Variants in ABCA7 observed in about 807,000 individuals in gnomAD.
The protein encoded by ABCA7 is phospholipid-transporting ATPase ABCA7.
Under a neutral mutation model 227.6 loss-of-function variants are expected in ABCA7, and 261 were observed. That is an observed-to-expected ratio of 1.15 (90% CI 1.04 to 1.27). The LOEUF is 1.27. ABCA7 is among the 50% of genes most tolerant of loss of function. ABCA7 has a pLI of 0.00. For missense variants in ABCA7, 3,331 were observed against 2,924.5 expected (o/e 1.14, Z -3.21); for synonymous variants, 1,488 against 1,279.7 (o/e 1.16, Z -3.47).
Position 1,041,941 on chromosome 19 carries a change from C to G in ABCA7, c.271C>G (p.Pro91Ala), listed in dbSNP as rs2040080426. The G allele has an allele frequency of 6.3e-7, 1 of 1,590,504 alleles. No homozygotes were observed. Among genetic ancestry groups the G allele is most frequent in the Non-Finnish European group, 8.5e-7 (1 of 1,174,068 alleles). The change falls in exon 4 of 47, where the codon CCC becomes GCC. Residue 91 changes from proline (P) to alanine (A), a missense_variant. Pro to Ala is a conservative substitution (Grantham distance 27). Coordinates refer to ENST00000263094, the MANE Select transcript of ABCA7 (RefSeq NM_019112.4). The stretch of plus-strand genomic sequence containing the variant: ...TCCGCAGCTGACACCGGGCGAGGAG[C>G]CCGGGCGCCTGAGCAACTTCAACGA... ...CFPQLTPGEEPGRLSNFNDSL... is the reference protein window; with the variant it reads ...CFPQLTPGEEAGRLSNFNDSL...
In ABCA7 at chr19:1,051,524, C is replaced by G. The variant is rs199849934; in HGVS notation, c.2900C>G (p.Thr967Arg). 6.2e-6 allele frequency: 10 copies of G among 1,612,574 alleles called. No homozygotes were observed. The Admixed American group carries it at 1.2e-4, about 19-fold the overall frequency. Residue 967 changes from threonine to arginine, a missense_variant, in exon 21 of 47, where the codon ACG becomes AGG. Transcript: ENST00000263094. ...CAAGTTGTTATCCTGGACGAGCCTA[C>G]GGCTGGCGTGGATCCTGCTTCCCGC... ...GSQVVILDEP[T>R]AGVDPASRRG... is the part of the protein sequence containing the mutation.
chr19:1,053,205 C>T (rs777290624), intron 23 of ABCA7, 124 bp from the exon 24 acceptor site: 79 of 1,056,200 alleles, frequency 7.5e-5, no homozygotes, highest in Middle Eastern at 6.2e-4. Flanking sequence ...ACCTGGCCTA[C>T]GTTCTTAACC....
intron 41 of ABCA7, 134 bp from the exon 42 acceptor site, chr19:1,062,038 C>T (rs551565380): frequency 1.1e-5 from 16 of 1,466,092 alleles, no homozygotes; most frequent in South Asian, 6.5e-5. Flanking sequence ...CTCCCACACG[C>T]GGACCAGGCC....
chr19:1,061,104 A>G (rs2042622354), intron 40 of ABCA7, among the ~76,000 whole-genome samples: 1 of 151,968 alleles, frequency 6.6e-6, no homozygotes, highest in Non-Finnish European at 1.5e-5. Context: ...CTCAGAAATC[A>G]GAGGTGCTGA....
rs542417372 is a variant in ABCA7, at chr19:1,056,021, C to A, written c.4239-45C>A. ...CCTGCCCCCTGGGAGCTCTCCCGGCCCCCCCGGCCCTCAGCTCCCCTTCCC... is the reference window on the plus strand; with the variant it reads ...CCTGCCCCCTGGGAGCTCTCCCGGCACCCCCGGCCCTCAGCTCCCCTTCCC... On this transcript the variant is annotated intron_variant, in intron 31 of 46. Transcript: ENST00000263094. The surrounding 1 kb of genome is among the most constrained non-coding windows in gnomAD (Gnocchi z 4.3). 1,777 of 1,437,792 alleles carry A rather than the reference C, an allele frequency of 1.2e-3. 35 individuals carry two copies. In the East Asian group the frequency reaches 0.035, roughly 28 times the overall value. 89.1% of individuals were successfully genotyped at this position (1,437,792 alleles called of 1,614,324 possible).
At chr19:1,062,441 T>C in intron 42 of ABCA7, 128 bp downstream of exon 42, 3 of 1,439,944 alleles carry the variant, frequency 2.1e-6, no homozygotes, top group Non-Finnish European at 2.8e-6. Flanking sequence ...CCCCAGACCG[T>C]GCTTCCTTCC....
At position 1,041,548 on chromosome 19, in the gene ABCA7, C is replaced by T; in HGVS notation, c.105C>T (p.Leu35=). The T allele has an allele frequency of 1.9e-6, 3 of 1,613,498 alleles. No individual in the cohort carries two copies. Among genetic ancestry groups the T allele is most frequent in the Non-Finnish European group, 2.5e-6 (3 of 1,180,012 alleles). The change falls in exon 3 of 47, where the codon CTC becomes CTT. Residue 35 remains leucine, a synonymous_variant. Coordinates refer to ENST00000263094, the MANE Select transcript of ABCA7 (RefSeq NM_019112.4). ...LLVELLWPLF[L]FFILVAVRHS... is the part of the protein sequence containing the mutation. The stretch of plus-strand genomic sequence containing the variant: ...TCGAATTGCTGTGGCCTCTCTTCCT[C>T]TTCTTCATCCTGGTGGCTGTTCGCC...
Position 1,043,856 on chromosome 19 carries a change from T to C in ABCA7, c.1047+15T>C, listed in dbSNP as rs1292215443. The stretch of plus-strand genomic sequence containing the variant: ...CCATGCTGCAGGTGTGCGGGGGTGC[T>C]GGGGAGGTGGGATGTGGCTCCCCGG... On this transcript the variant is annotated intron_variant, in intron 10 of 46. Transcript: ENST00000263094. The C allele has an allele frequency of 6.3e-7, 1 of 1,595,170 alleles. No individual in the cohort carries two copies. The highest frequency in any genetic ancestry group is 8.5e-7 in the Non-Finnish European group (1 of 1,170,036).
At position 1,047,761 on chromosome 19, in the gene ABCA7, C is replaced by A. The variant is rs138551181; in HGVS notation, c.2269+107C>A. 1.5e-3 allele frequency: 1,870 copies of A among 1,275,864 alleles called. 18 individuals carry two copies. In the African/African-American group the frequency reaches 0.024, roughly 17 times the overall value. The allele number at this position is 1,275,864 out of a possible 1,614,324, so 79.0% of individuals were successfully genotyped here. A position where few individuals can be genotyped will look rare whatever the true frequency, so the allele number is the denominator to read the frequency against. On this transcript the variant is annotated intron_variant, in intron 16 of 46. Transcript: ENST00000263094. ...TTTGGGGGTGGGGGGTGGCTTATTC[C>A]CTTGGAGAGAAGGCGGGGCTTCTTG...
intron 34 of ABCA7, 94 bp downstream of exon 34, chr19:1,057,178 G>A (rs2042330267): frequency 1.3e-6 from 2 of 1,553,548 alleles, no homozygotes; most frequent in African/African-American, 1.3e-5. Context: ...AAGATGGCCT[G>A]GGTAAAGTCT....
intron 9 of ABCA7, 71 bp downstream of exon 9, chr19:1,043,544 G>A (rs916221115): frequency 6.2e-7 from 1 of 1,608,170 alleles, no homozygotes; most frequent in African/African-American, 1.3e-5. Flanking sequence ...AGTCCAGGTG[G>A]GCCAGGGCCA....
chr19:1,042,623 C>A, intron 6 of ABCA7, 123 bp from the exon 7 acceptor site: 1 of 1,139,318 alleles, frequency 8.8e-7, no homozygotes, highest in East Asian at 2.4e-5. Flanking sequence ...CCTCTCAGAG[C>A]CTCAGTTTCC....
intron 18 of ABCA7, 139 bp from the exon 19 acceptor site, chr19:1,050,782 A>AAAAATAAT (rs1329198033): frequency 2.8e-6 from 1 of 353,272 alleles, no homozygotes; most frequent in Non-Finnish European, 4.0e-6. Flanking sequence ...TCCGTCTCAA[A>AAAAATAAT]AATAATAATA....
intron 21 of ABCA7, 67 bp downstream of exon 21, chr19:1,051,653 G>A (rs1393498978): frequency 8.0e-6 from 12 of 1,495,358 alleles, no homozygotes; most frequent in Admixed American, 7.8e-5. Context: ...TGGGGATGGG[G>A]TTTTGAGGAA....
Position 1,054,433 on chromosome 19 carries a change from C to T in ABCA7, c.3726+92C>T. 3 of 1,550,794 alleles carry T rather than the reference C, an allele frequency of 1.9e-6. No individual in the cohort carries two copies. The highest frequency in any genetic ancestry group is 2.6e-6 in the Non-Finnish European group (3 of 1,150,360). On this transcript the variant is annotated intron_variant, in intron 27 of 46. Coordinates refer to ENST00000263094, the MANE Select transcript of ABCA7 (RefSeq NM_019112.4). This position sits in a 1 kb window ranked among gnomAD's most constrained non-coding sequence, Gnocchi z 4.8. ...AGTGGCCTAATCCAAACCCTTACCC[C>T]CGTGTGTATTCCCAACCCAAAGCAC...
In ABCA7 at chr19:1,041,725, G is replaced by C. The variant is rs1402940114; in HGVS notation, c.161-106G>C. 1.9e-6 allele frequency: 3 copies of C among 1,583,456 alleles called. No individual in the cohort carries two copies. The African/African-American group carries it at 4.0e-5, about 21-fold the overall frequency. On this transcript the variant is annotated intron_variant, in intron 3 of 46. Transcript: ENST00000263094. The stretch of plus-strand genomic sequence containing the variant: ...ACCAGGCCGCCAATACATGGCATGG[G>C]AGTGAGCTCTCCATCGCTGGAGGCA...
chr19:1,059,698 G>T (rs1193040644), intron 40 of ABCA7, among the ~76,000 whole-genome samples: 1 of 151,844 alleles, frequency 6.6e-6, no homozygotes, highest in Non-Finnish European at 1.5e-5. Context: ...CAGGTAGCTG[G>T]GACTGCAGGC....
chr19:1,045,749 C>T (rs572417665), intron 12 of ABCA7: 82 of 167,096 alleles, frequency 4.9e-4, no homozygotes, highest in Non-Finnish European at 9.0e-4. Flanking sequence ...GCCTGTAATC[C>T]CAGCACTTTG....
At chr19:1,040,721 G>C (rs141016152) in intron 1 of ABCA7, among the ~76,000 whole-genome samples, 1 of 152,144 alleles carries the variant, frequency 6.6e-6, no homozygotes, top group Admixed American at 6.5e-5. Flanking sequence ...CCCTCTGAGC[G>C]ATTAATGCTA....
Sources: gnomAD v4.1 joint callset for allele counts (sites outside exome capture counted in the v4.1 genomes callset) on GRCh38, gnomAD v4.1.1 for gene constraint, Gnocchi (gnomAD v3.1) non-coding constraint, MANE v1.5 for transcripts, NCBI Gene and HGNC (gene_info 2026-07-23, HGNC 2026-07-21) for gene names.